Variants in OSBPL9 observed in about 807,000 individuals in gnomAD.
The protein encoded by OSBPL9 is oxysterol binding protein like 9, also known as oxysterol-binding protein-related protein 9.
Under a neutral mutation model 106.6 loss-of-function variants are expected in OSBPL9, and 40 were observed. The ratio of observed to expected loss-of-function variants is 0.38; its 90% CI spans 0.29 to 0.49. The LOEUF is 0.49. Among genes scored for constraint, OSBPL9 ranks in the 20% least tolerant of loss-of-function variants. OSBPL9 has a pLI of 0.97. For missense variants in OSBPL9, 609 were observed against 887.2 expected (o/e 0.69, Z 3.98); for synonymous variants, 269 against 295.4 (o/e 0.91, Z 0.92).
chr1:51,747,553 C>CTT (rs746109312), intron 6 of OSBPL9, among the ~76,000 whole-genome samples: 492 of 42,248 alleles, frequency 0.012, 29 homozygotes, highest in Middle Eastern at 0.026. Context: ...CTCTCCTTGG[C>CTT]TTTTTTTTTT....
the OSBPL9 span, among the ~76,000 whole-genome samples, chr1:51,540,690 T>C: frequency 6.8e-6 from 1 of 146,734 alleles, no homozygotes; most frequent in African/African-American, 2.5e-5. Flanking sequence ...CCAGGTGTGG[T>C]GGCTCACGCC....
intron 1 of OSBPL9, among the ~76,000 whole-genome samples, chr1:51,648,998 C>G (rs1411847461): frequency 2.0e-5 from 3 of 152,114 alleles, no homozygotes. Context: ...CCTTTAGTAG[C>G]TCCCCATTAA....
At chr1:51,535,274 G>A in the OSBPL9 span, among the ~76,000 whole-genome samples, 4 of 152,154 alleles carry the variant, frequency 2.6e-5, no homozygotes, top group East Asian at 5.8e-4. Context: ...AGGCATCTAG[G>A]AGAGGGTAGG....
chr1:51,604,216 T>C (rs773588862), intron 2 of OSBPL9, among the ~76,000 whole-genome samples: 5 of 152,158 alleles, frequency 3.3e-5, no homozygotes, highest in Admixed American at 1.3e-4. Context: ...CTACAGAATG[T>C]AATGGGACGC....
At chr1:51,662,281 G>C (rs1044820677) in intron 2 of OSBPL9, among the ~76,000 whole-genome samples, 4 of 152,174 alleles carry the variant, frequency 2.6e-5, no homozygotes, top group Non-Finnish European at 5.9e-5. Context: ...TGAGTCTTGA[G>C]TATGTGTAAA....
chr1:51,544,446 T>C, the OSBPL9 span, among the ~76,000 whole-genome samples: 1 of 152,218 alleles, frequency 6.6e-6, no homozygotes, highest in Non-Finnish European at 1.5e-5. Flanking sequence ...CCTTTGAAGA[T>C]CAAATAACCC....
intron 1 of OSBPL9, among the ~76,000 whole-genome samples, chr1:51,625,052 A>G (rs1316296998): frequency 3.3e-5 from 5 of 152,226 alleles, no homozygotes; most frequent in Admixed American, 3.3e-4. Flanking sequence ...CTAATAGCAA[A>G]TATGTATGTT....
the OSBPL9 span, among the ~76,000 whole-genome samples, chr1:51,541,755 G>A: frequency 6.6e-6 from 1 of 152,190 alleles, no homozygotes; most frequent in Admixed American, 6.5e-5. Context: ...AGTTAACAAG[G>A]CCTCACTTAA....
chr1:51,752,981 C>T (rs1669585893), intron 8 of OSBPL9, among the ~76,000 whole-genome samples: 1 of 152,130 alleles, frequency 6.6e-6, no homozygotes, highest in South Asian at 2.1e-4. Context: ...AGTTGCTTAC[C>T]ATATAGGAGG....
the OSBPL9 span, among the ~76,000 whole-genome samples, chr1:51,568,024 T>C: frequency 6.6e-6 from 1 of 152,206 alleles, no homozygotes; most frequent in African/African-American, 2.4e-5. Flanking sequence ...TTACAAAGGT[T>C]GGGGCAGGAC....
chr1:51,719,860 A>T (rs1661748045), intron 4 of OSBPL9, among the ~76,000 whole-genome samples: 1 of 152,232 alleles, frequency 6.6e-6, no homozygotes, highest in Non-Finnish European at 1.5e-5. Context: ...TAATGTGATG[A>T]ATGATATTGC....
chr1:51,586,880 A>G (rs544489303), intron 1 of OSBPL9, among the ~76,000 whole-genome samples: 1 of 152,068 alleles, frequency 6.6e-6, no homozygotes, highest in South Asian at 2.1e-4. Flanking sequence ...TCACCACTCC[A>G]AGTCCCTCCC....
chr1:51,611,009 A>G (rs1407635896), intron 2 of OSBPL9, among the ~76,000 whole-genome samples: 2 of 152,208 alleles, frequency 1.3e-5, no homozygotes, highest in African/African-American at 4.8e-5. Context: ...TCTGTGAAGG[A>G]GGGTGTTTGT....
At chr1:51,617,249 G>A (rs1281902458) in intron 1 of OSBPL9, 28 bp downstream of exon 1, 1 of 1,573,148 alleles carries the variant, frequency 6.4e-7, no homozygotes, top group Non-Finnish European at 8.7e-7. Flanking sequence ...ACAGCTCCAG[G>A]CGCCTCGGGG....
At chr1:51,573,286 A>C (rs1645162598), upstream of OSBPL9, among the ~76,000 whole-genome samples, 1 of 151,768 alleles carries the variant, frequency 6.6e-6, no homozygotes, top group Admixed American at 6.6e-5. Flanking sequence ...AGGCAGACAG[A>C]TCACCTGAGG....
intron 2 of OSBPL9, among the ~76,000 whole-genome samples, chr1:51,657,855 T>C (rs775612923): frequency 3.9e-5 from 6 of 152,066 alleles, no homozygotes; most frequent in Non-Finnish European, 5.9e-5. Context: ...CCCAGCACTT[T>C]GGGAGGCTGA....
At chr1:51,653,967 C>T (rs1029967967) in intron 2 of OSBPL9, among the ~76,000 whole-genome samples, 2 of 151,622 alleles carry the variant, frequency 1.3e-5, no homozygotes, top group Admixed American at 6.6e-5. Flanking sequence ...GTGCCACTGC[C>T]TTCCAGCCTG....
intron 14 of OSBPL9, among the ~76,000 whole-genome samples, chr1:51,774,016 G>A (rs1481200323): frequency 6.6e-6 from 1 of 151,918 alleles, no homozygotes; most frequent in East Asian, 1.9e-4. Flanking sequence ...GGCTCATTAG[G>A]CTTCCTGTTG....
the OSBPL9 span, among the ~76,000 whole-genome samples, chr1:51,571,823 G>T: frequency 6.6e-6 from 1 of 152,156 alleles, no homozygotes; most frequent in African/African-American, 2.4e-5. Context: ...TCTCTATTCT[G>T]CCAAACCCTA....
Sources: gnomAD v4.1 joint callset for allele counts (sites outside exome capture counted in the v4.1 genomes callset) on GRCh38, gnomAD v4.1.1 for gene constraint, MANE v1.5 for transcripts, NCBI Gene and HGNC (gene_info 2026-07-23, HGNC 2026-07-21) for gene names.